The following GRIK2 variants were observed in gnomAD, a reference collection of about 807,000 sequenced individuals.
GRIK2 encodes the protein glutamate ionotropic receptor kainate type subunit 2.
GRIK2 carries 32 observed loss-of-function variants against 100.3 expected under a neutral mutation model. That is an observed-to-expected ratio of 0.32 (90% CI 0.24 to 0.43). GRIK2 has a LOEUF of 0.43. GRIK2 is among the 20% of genes least tolerant of loss of function. The pLI, the probability that GRIK2 is intolerant of heterozygous loss-of-function variation, is 1.00. For missense variants in GRIK2, 843 were observed against 1,114.9 expected, an observed-to-expected ratio of 0.76 and a Z score of 3.47; for synonymous variants, 417 against 389.4, an observed-to-expected ratio of 1.07 and a Z score of -0.83.
intron 4 of GRIK2, among the ~76,000 whole-genome samples, chr6:101,661,753 C>T (rs929884032): frequency 2.0e-5 from 3 of 152,078 alleles, no homozygotes; most frequent in Non-Finnish European, 4.4e-5. Context: ...TTGCACTTCC[C>T]GTGTGAGGCG....
intron 7 of GRIK2, among the ~76,000 whole-genome samples, chr6:101,730,320 G>C (rs1052442320): frequency 1.6e-4 from 24 of 152,024 alleles, no homozygotes; most frequent in African/African-American, 5.5e-4. Context: ...TTAAGACTGA[G>C]ATATAAATTA....
intron 7 of GRIK2, among the ~76,000 whole-genome samples, chr6:101,721,336 C>T (rs547251563): frequency 1.1e-4 from 17 of 152,158 alleles, no homozygotes; most frequent in African/African-American, 4.1e-4. Flanking sequence ...GGGCAGATCA[C>T]TTGAACCCAG....
At chr6:101,799,624 A>G (rs1213143544) in intron 7 of GRIK2, 24 bp from the exon 8 acceptor site, 2 of 1,601,396 alleles carry the variant, frequency 1.2e-6, no homozygotes, top group East Asian at 4.5e-5. Flanking sequence ...TTGACTATAA[A>G]TTTCCCTTTC....
intron 7 of GRIK2, among the ~76,000 whole-genome samples, chr6:101,698,327 T>C (rs1772645401): frequency 6.6e-6 from 1 of 152,148 alleles, no homozygotes; most frequent in Admixed American, 6.6e-5. Flanking sequence ...CAATACTTTT[T>C]AAATCCACAT....
intron 9 of GRIK2, among the ~76,000 whole-genome samples, chr6:101,808,325 G>C (rs1781128637): frequency 6.6e-6 from 1 of 151,994 alleles, no homozygotes; most frequent in South Asian, 2.1e-4. Context: ...CCATTTTTGG[G>C]AAAACAACCA....
At chr6:101,430,465 T>G (rs1769312858) in intron 2 of GRIK2, 1 of 217,740 alleles carries the variant, frequency 4.6e-6, no homozygotes, top group African/African-American at 2.3e-5. Context: ...GCATGGAGCT[T>G]CTGATCCACA....
chr6:101,898,577 A>G (rs770241748), intron 12 of GRIK2, among the ~76,000 whole-genome samples: 23 of 151,970 alleles, frequency 1.5e-4, no homozygotes, highest in Non-Finnish European at 2.5e-4. Context: ...GGGCACCTAG[A>G]CAGGAGACAT....
At chr6:101,576,697 A>G (rs1427075188) in intron 2 of GRIK2, among the ~76,000 whole-genome samples, 1 of 152,074 alleles carries the variant, frequency 6.6e-6, no homozygotes, top group Non-Finnish European at 1.5e-5. Context: ...AAACATATTT[A>G]GGTATCTATT....
At chr6:101,544,631 CTAAGTT>C (rs1164048120) in intron 2 of GRIK2, among the ~76,000 whole-genome samples, 2 of 152,130 alleles carry the variant, frequency 1.3e-5, no homozygotes, top group Non-Finnish European at 2.9e-5. Flanking sequence ...TATGCTATGT[CTAAGTT>C]TTTGTTCAAA....
chr6:102,056,897 G>T (rs1771489927), intron 16 of GRIK2, among the ~76,000 whole-genome samples: 2 of 151,828 alleles, frequency 1.3e-5, no homozygotes, highest in Admixed American at 1.3e-4. Context: ...ACAAATTAAA[G>T]TTTTTGAAGA....
At chr6:101,507,959 AG>A (rs1473179414) in intron 2 of GRIK2, among the ~76,000 whole-genome samples, 1 of 152,204 alleles carries the variant, frequency 6.6e-6, no homozygotes, top group African/African-American at 2.4e-5. Context: ...AATAGAAAAA[AG>A]TAGAAGACAA....
intron 9 of GRIK2, among the ~76,000 whole-genome samples, chr6:101,813,047 A>G (rs1781432241): frequency 6.6e-6 from 1 of 152,206 alleles, no homozygotes; most frequent in South Asian, 2.1e-4. Context: ...TCCGTATATA[A>G]CATATACATA....
chr6:102,013,884 G>A lies in GRIK2; in HGVS notation c.2086-21457G>A, dbSNP rs980514229. The stretch of plus-strand genomic sequence containing the variant: ...TGTTCATCAAGGATATTGTCCTAAA[G>A]TTTTCTTTTTTTTGTTGTACCTCTG... On this transcript the variant is annotated intron_variant, in intron 14 of 16. Coordinates refer to ENST00000369134, the MANE Select transcript of GRIK2 (RefSeq NM_021956.5). Among the ~76,000 whole-genome samples the A allele has an allele frequency of 4.1e-4, 33 of 81,296 alleles. No individual in the cohort carries two copies. The African/African-American group carries it at 5.1e-3, about 13-fold the overall frequency. 53.3% of individuals were successfully genotyped at this position (81,296 alleles called of 152,430 possible).
intron 2 of GRIK2, among the ~76,000 whole-genome samples, chr6:101,578,581 T>C (rs1475242243): frequency 6.6e-6 from 1 of 152,042 alleles, no homozygotes; most frequent in East Asian, 1.9e-4. Context: ...TTCAGAATCA[T>C]TTGGGTTTTG....
chr6:101,836,045 G>C (rs2399633), intron 10 of GRIK2, among the ~76,000 whole-genome samples: 43,787 of 150,482 alleles, frequency 0.29, 9,277 homozygotes, highest in East Asian at 0.69. Context: ...AAAACATTGA[G>C]TCTTCCATGA....
chr6:101,504,162 C>G (rs1166821252), intron 2 of GRIK2, among the ~76,000 whole-genome samples: 2 of 151,974 alleles, frequency 1.3e-5, no homozygotes, highest in Non-Finnish European at 2.9e-5. Context: ...TGCACTGATC[C>G]ATGAAACAAC....
intron 12 of GRIK2, among the ~76,000 whole-genome samples, chr6:101,915,670 A>G (rs1364925870): frequency 6.6e-6 from 1 of 151,432 alleles, no homozygotes; most frequent in Non-Finnish European, 1.5e-5. Context: ...TTTCATATGG[A>G]TATTATAAAA....
intron 14 of GRIK2, among the ~76,000 whole-genome samples, chr6:101,944,426 A>C (rs918583637): frequency 5.9e-5 from 9 of 152,194 alleles, no homozygotes; most frequent in African/African-American, 2.2e-4. Flanking sequence ...TGTAAGTGCT[A>C]TGACTCATTG....
At chr6:102,022,533 C>T (rs1320708727) in intron 14 of GRIK2, among the ~76,000 whole-genome samples, 1 of 151,436 alleles carries the variant, frequency 6.6e-6, no homozygotes, top group African/African-American at 2.4e-5. Flanking sequence ...TCTCTAAAAA[C>T]AAACAAACAA....
Sources: gnomAD v4.1 joint callset for allele counts (sites outside exome capture counted in the v4.1 genomes callset) on GRCh38, gnomAD v4.1.1 for gene constraint, MANE v1.5 for transcripts, NCBI Gene and HGNC (gene_info 2026-07-23, HGNC 2026-07-21) for gene names.